The following NBEA variants were observed in gnomAD, a reference collection of about 807,000 sequenced individuals.
NBEA encodes the protein neurobeachin, also known as lysosomal-trafficking regulator 2.
Under a neutral mutation model 343.4 loss-of-function variants are expected in NBEA, and 44 were observed. The observed-to-expected ratio is 0.13, with a 90% confidence interval of 0.10 to 0.16. The LOEUF is 0.16. NBEA is among the 10% of genes least tolerant of loss of function. The pLI, the probability that NBEA is intolerant of heterozygous loss-of-function variation, is 1.00. For missense variants in NBEA, 2,555 were observed against 3,631.3 expected (o/e 0.70, Z 7.62); for synonymous variants, 1,175 against 1,238.7 (o/e 0.95, Z 1.08).
At chr13:35,402,980 A>G (rs2043067845) in intron 38 of NBEA, among the ~76,000 whole-genome samples, 1 of 152,068 alleles carries the variant, frequency 6.6e-6, no homozygotes, top group Non-Finnish European at 1.5e-5. Flanking sequence ...GTAGTTTCAT[A>G]ACTACTTCCA....
chr13:35,132,450 G>A (rs1205022665), intron 17 of NBEA, among the ~76,000 whole-genome samples: 1 of 152,114 alleles, frequency 6.6e-6, no homozygotes, highest in Non-Finnish European at 1.5e-5. Flanking sequence ...GTGAGCCACT[G>A]TGCCCAGCCA....
intron 34 of NBEA, chr13:35,251,471 C>G: frequency 1.9e-6 from 2 of 1,066,292 alleles, no homozygotes; most frequent in Non-Finnish European, 2.3e-6. Context: ...GAGAGCTGTT[C>G]CCCAAGCCAG....
At chr13:35,486,388 T>C (rs1468402094) in intron 41 of NBEA, among the ~76,000 whole-genome samples, 2 of 152,136 alleles carry the variant, frequency 1.3e-5, no homozygotes, top group Non-Finnish European at 2.9e-5. Context: ...AATTGCAACA[T>C]TCTTTTCAAT....
At chr13:35,382,247 A>G (rs1417590622) in intron 38 of NBEA, among the ~76,000 whole-genome samples, 1 of 152,180 alleles carries the variant, frequency 6.6e-6, no homozygotes, top group Non-Finnish European at 1.5e-5. Flanking sequence ...TGATGTCTTT[A>G]TCCCTTTAGC....
chr13:35,056,213 T>C (rs903052500), intron 7 of NBEA, 84 bp downstream of exon 7: 5 of 1,153,928 alleles, frequency 4.3e-6, no homozygotes, highest in Admixed American at 7.6e-5. Context: ...AATAAAATAG[T>C]TTGGTAGAAG....
chr13:35,432,230 G>A lies in NBEA; in HGVS notation c.6180-39G>A, dbSNP rs116761799. On this transcript the variant is annotated intron_variant, in intron 38 of 58. Transcript: ENST00000379939. Reference sequence around the variant, plus strand: ...AAAAATGTATTTCCAGCTATGCATTGTTATTAATAGGGATTACTTTTTTTC... The same window carrying A: ...AAAAATGTATTTCCAGCTATGCATTATTATTAATAGGGATTACTTTTTTTC... 2,075 of 1,522,862 alleles carry A rather than the reference G, an allele frequency of 1.4e-3. 24 individuals are homozygous for A. The African/African-American group carries it at 0.025, about 18-fold the overall frequency. 94.3% of individuals were successfully genotyped at this position (1,522,862 alleles called of 1,614,324 possible).
In NBEA at chr13:35,671,049, A is replaced by AGGCAATATCTCGGC; in HGVS notation, c.*69_*70insGGCGGCAATATCTC. 7.9e-7 allele frequency: 1 copy of AGGCAATATCTCGGC among 1,271,660 alleles called. No individual in the cohort carries two copies. Among genetic ancestry groups the AGGCAATATCTCGGC allele is most frequent in the Non-Finnish European group, 1.1e-6 (1 of 901,182 alleles). The allele number at this position is 1,271,660 out of a possible 1,614,324, so 78.8% of individuals were successfully genotyped here. ...CTGAGAGCACAAGTGCTGCATGGAA[A>AGGCAATATCTCGGC]GGCAATATCTCTGGTGGAAAAAACT... is the stretch of plus-strand genomic sequence containing the variant. On this transcript the variant is annotated 3_prime_UTR_variant, in exon 59 of 59. Coordinates refer to ENST00000379939, the MANE Select transcript of NBEA (RefSeq NM_001385012.1).
intron 48 of NBEA, among the ~76,000 whole-genome samples, chr13:35,610,884 GA>G (rs1165139302): frequency 4.0e-5 from 6 of 151,790 alleles, no homozygotes; most frequent in African/African-American, 7.3e-5. Flanking sequence ...TTTTTTAAAG[GA>G]GGGGCAAAAG....
Position 34,978,529 on chromosome 13 carries a change from G to A in NBEA, c.294+35415G>A, listed in dbSNP as rs115761144. Among the ~76,000 whole-genome samples the A allele has an allele frequency of 9.2e-3, 1,399 of 152,214 alleles. 19 individuals are homozygous for A. The highest frequency in any genetic ancestry group is 0.032 in the African/African-American group (1,339 of 41,508). On this transcript the variant is annotated intron_variant, in intron 1 of 58. Transcript: ENST00000379939. ...AGTGAAAACATCTAATATTCTGTGA[G>A]TTGTGACAAATGCATGTACCTGAGT...
rs73505623 is a variant in NBEA, at chr13:35,190,192, C to T, written c.4928-5672C>T. Among the ~76,000 whole-genome samples the T allele has an allele frequency of 6.4e-3, 977 of 152,238 alleles. 11 individuals are homozygous for T. The highest frequency in any genetic ancestry group is 0.023 in the African/African-American group (936 of 41,542). On this transcript the variant is annotated intron_variant, in intron 30 of 58. Transcript: ENST00000379939. ...AGCTTGTTTAGTGAGAAAAGCCTGT[C>T]TCCAAGGTATTTGTTGAAAATAATC...
intron 1 of NBEA, among the ~76,000 whole-genome samples, chr13:35,012,317 T>C (rs1384836473): frequency 6.6e-6 from 1 of 152,140 alleles, no homozygotes; most frequent in Non-Finnish European, 1.5e-5. Context: ...AGGGAACCCA[T>C]TCTTCTGATA....
intron 27 of NBEA, among the ~76,000 whole-genome samples, chr13:35,176,319 A>G (rs1033381609): frequency 5.9e-5 from 9 of 152,022 alleles, no homozygotes; most frequent in African/African-American, 2.2e-4. Context: ...CTGGAATTGT[A>G]TTTTGCATTA....
chr13:35,024,139 C>G (rs923850705), intron 1 of NBEA, among the ~76,000 whole-genome samples: 1 of 152,104 alleles, frequency 6.6e-6, no homozygotes, highest in Admixed American at 6.6e-5. Flanking sequence ...ATAATAGCCT[C>G]TAGCTGCAAC....
At chr13:35,532,406 A>C (rs1408827986) in intron 41 of NBEA, among the ~76,000 whole-genome samples, 1 of 152,150 alleles carries the variant, frequency 6.6e-6, no homozygotes, top group Non-Finnish European at 1.5e-5. Flanking sequence ...TTTTCCATAT[A>C]TATTCAAAGA....
chr13:34,970,118 G>A (rs2059953738), intron 1 of NBEA, among the ~76,000 whole-genome samples: 1 of 152,046 alleles, frequency 6.6e-6, no homozygotes, highest in African/African-American at 2.4e-5. Context: ...ATCTCATTGT[G>A]GTTTAGTTTG....
At chr13:35,375,756 G>T (rs2041705180) in intron 38 of NBEA, among the ~76,000 whole-genome samples, 1 of 152,074 alleles carries the variant, frequency 6.6e-6, no homozygotes. Context: ...ATTTGTCTTT[G>T]CAGCAGAACA....
intron 38 of NBEA, among the ~76,000 whole-genome samples, chr13:35,427,258 G>T (rs1260185127): frequency 1.3e-5 from 2 of 152,090 alleles, no homozygotes; most frequent in Non-Finnish European, 2.9e-5. Flanking sequence ...CCCCATCTTT[G>T]TGGTTTTATC....
chr13:35,068,776 T>C (rs1045977151), intron 8 of NBEA, among the ~76,000 whole-genome samples: 24 of 152,176 alleles, frequency 1.6e-4, no homozygotes, highest in African/African-American at 4.6e-4. Flanking sequence ...TTTTAAAATA[T>C]AGTGATTTTA....
At chr13:35,085,137 C>A (rs1313057868) in intron 10 of NBEA, among the ~76,000 whole-genome samples, 1 of 152,044 alleles carries the variant, frequency 6.6e-6, no homozygotes, top group South Asian at 2.1e-4. Flanking sequence ...GATTCACAGC[C>A]GAATTCTACC....
Sources: allele counts gnomAD v4.1 joint callset (sites outside exome capture counted in the v4.1 genomes callset), GRCh38; gene constraint gnomAD v4.1.1; transcripts MANE v1.5; gene names NCBI Gene and HGNC (gene_info 2026-07-23, HGNC 2026-07-21).